Variants in GDE1 observed in about 807,000 individuals in gnomAD.
GDE1 encodes RGS16-interacting membrane protein.
GDE1 carries 24 observed loss-of-function variants against 32.2 expected under a neutral mutation model. The ratio of observed to expected loss-of-function variants is 0.75; its 90% CI spans 0.54 to 1.05. The LOEUF (loss-of-function observed/expected upper bound fraction) is 1.05, where lower values mean the gene tolerates loss of function less well. GDE1 is among the 50% of genes least tolerant of loss of function. GDE1 has a pLI of 0.00. For missense variants in GDE1, 380 were observed against 415.0 expected (o/e 0.92, Z 0.73); for synonymous variants, 159 against 158.6 (o/e 1.00, Z -0.02).
chr16:19,504,733 T>C (rs1969222929), intron 5 of GDE1, 148 bp downstream of exon 5: 1 of 608,250 alleles, frequency 1.6e-6, no homozygotes, highest in Admixed American at 3.2e-5. Context: ...TCTTCCCACC[T>C]AAGAAGCGAA....
intron 2 of GDE1, among the ~76,000 whole-genome samples, chr16:19,512,852 G>GA (rs1470517108): frequency 1.3e-5 from 2 of 151,438 alleles, no homozygotes; most frequent in Admixed American, 1.3e-4. Context: ...TGCCTTCATG[G>GA]AAAATCAGTT....
Position 19,521,867 on chromosome 16 carries a change from A to G in GDE1, c.98T>C (p.Leu33Pro), listed in dbSNP as rs745980551. The change falls in exon 1 of 6, where the codon CTC becomes CCC. Residue 33 changes from leucine (L) to proline (P), a missense_variant. Leu to Pro is a moderately conservative substitution (Grantham distance 98). Transcript: ENST00000353258. ...TAGAACGAAGAGGCTGCCGGTGAGG[A>G]GGCAGGCATTGACCGGGCTCCGCGT... ...LVTRSPVNAC[L>P]LTGSLFVLLR... The G allele has an allele frequency of 6.2e-7, 1 of 1,606,774 alleles. No homozygotes were observed. Among genetic ancestry groups the G allele is most frequent in the East Asian group, 2.2e-5 (1 of 44,552 alleles).
At chr16:19,512,292 T>A (rs6497383) in intron 2 of GDE1, among the ~76,000 whole-genome samples, 1 of 151,896 alleles carries the variant, frequency 6.6e-6, no homozygotes, top group Admixed American at 6.6e-5. Flanking sequence ...TACTTCATTG[T>A]GGTTTTGATT....
rs1023458711 is a variant in GDE1 at position 19,504,885 on chromosome 16, A to G, written c.844T>C (p.Ser282Pro). Reference protein sequence around the residue: ...SAFLMQKDFVSPAYLKKWSAK... With the variant: ...SAFLMQKDFVPPAYLKKWSAK... ...ATAAAAAACCTTCCAACTTACGGGGATACAAAATCCTTTTGCATGAGGAAA... is the reference window on the plus strand; with the variant it reads ...ATAAAAAACCTTCCAACTTACGGGGGTACAAAATCCTTTTGCATGAGGAAA... Residue 282 changes from serine (S) to proline (P), a missense_variant, in exon 5 of 6, where the codon TCC becomes CCC. Transcript: ENST00000353258. 6.2e-7 allele frequency: 1 copy of G among 1,602,868 alleles called. No individual in the cohort carries two copies. The highest frequency in any genetic ancestry group is 8.5e-7 in the Non-Finnish European group (1 of 1,170,980).
chr16:19,510,365 A>G (rs1229753064), intron 3 of GDE1, among the ~76,000 whole-genome samples: 1 of 152,224 alleles, frequency 6.6e-6, no homozygotes, highest in African/African-American at 2.4e-5. Context: ...TGTAAAAGGT[A>G]TATGTTCTGT....
intron 4 of GDE1, 131 bp downstream of exon 4, chr16:19,507,556 A>G: frequency 1.6e-6 from 1 of 622,832 alleles, no homozygotes; most frequent in Non-Finnish European, 2.9e-6. Context: ...TGGTTAATTT[A>G]AAAGAGGAGC....
chr16:19,512,925 TTTTGTG>T (rs772052914), intron 2 of GDE1, among the ~76,000 whole-genome samples: 3 of 78,394 alleles, frequency 3.8e-5, no homozygotes, highest in Non-Finnish European at 7.8e-5. Context: ...TATGTATCTG[TTTTGTG>T]TGTGTGTGTG....
At chr16:19,507,922 A>G (rs1411282175) in intron 3 of GDE1, 143 bp from the exon 4 acceptor site, 1 of 572,536 alleles carries the variant, frequency 1.7e-6, no homozygotes. Context: ...GTATTGGTAG[A>G]GTCTATTATC....
At chr16:19,511,060 CT>C in intron 2 of GDE1, 116 bp from the exon 3 acceptor site, 2 of 547,574 alleles carry the variant, frequency 3.7e-6, no homozygotes, top group Non-Finnish European at 6.5e-6. Flanking sequence ...CTCCAACTTC[CT>C]TTTTTCGACC....
intron 4 of GDE1, among the ~76,000 whole-genome samples, chr16:19,505,702 G>C (rs1969238139): frequency 1.3e-5 from 2 of 152,310 alleles, no homozygotes; most frequent in Middle Eastern, 3.4e-3. Flanking sequence ...GGTCAAGGAA[G>C]TTTGGGAAAC....
intron 4 of GDE1, among the ~76,000 whole-genome samples, chr16:19,507,370 T>C (rs1969261600): frequency 6.6e-6 from 1 of 152,182 alleles, no homozygotes; most frequent in Non-Finnish European, 1.5e-5. Context: ...ATTTATTTTA[T>C]GAAGGTATGT....
At chr16:19,507,018 G>A (rs1969256310) in intron 4 of GDE1, among the ~76,000 whole-genome samples, 1 of 150,572 alleles carries the variant, frequency 6.6e-6, no homozygotes. Context: ...GTGCGCCTGT[G>A]GTCCCAGCTA....
intron 1 of GDE1, among the ~76,000 whole-genome samples, chr16:19,518,714 T>C (rs1168825388): frequency 1.3e-5 from 2 of 152,236 alleles, no homozygotes; most frequent in Non-Finnish European, 2.9e-5. Flanking sequence ...AGTGAATAGT[T>C]AAGATTTCAA....
chr16:19,511,723 A>T (rs1237498752), intron 2 of GDE1, among the ~76,000 whole-genome samples: 2 of 151,514 alleles, frequency 1.3e-5, no homozygotes, highest in East Asian at 3.9e-4. Context: ...CCAACCCCAA[A>T]CCCTTCCCAG....
chr16:19,519,460 AT>A (rs1969421953), intron 1 of GDE1, among the ~76,000 whole-genome samples: 1 of 151,050 alleles, frequency 6.6e-6, no homozygotes, highest in African/African-American at 2.4e-5. Context: ...ATATATATAT[AT>A]ATATATATAT....
chr16:19,510,950 A>T lies in GDE1; in HGVS notation c.438-6T>A. The T allele has an allele frequency of 7.0e-7, 1 of 1,421,700 alleles. No homozygotes were observed. Among genetic ancestry groups the T allele is most frequent in the Non-Finnish European group, 9.9e-7 (1 of 1,011,550 alleles). The allele number at this position is 1,421,700 out of a possible 1,614,324, so 88.1% of individuals were successfully genotyped here. ...TTTCATCAGGGAAATCATTCCTGTA[A>T]GAGAAGAGAAAATACGTTGTAGGAA... On this transcript the variant is annotated splice_region_variant and splice_polypyrimidine_tract_variant and intron_variant, in intron 2 of 5. Coordinates refer to ENST00000353258, the MANE Select transcript of GDE1 (RefSeq NM_016641.4).
chr16:19,522,011 T>A lies in GDE1; in HGVS notation c.-47A>T. ...GACGGGAGTCCCGGACCCGCCGGGC[T>A]CCTGGGGCAGTAGAACGAGAAGCGA... On this transcript the variant is annotated 5_prime_UTR_variant, in exon 1 of 6. Coordinates refer to ENST00000353258, the MANE Select transcript of GDE1 (RefSeq NM_016641.4). 1 of 1,501,952 alleles carries A rather than the reference T, an allele frequency of 6.7e-7. No homozygotes were observed. The highest frequency in any genetic ancestry group is 8.9e-7 in the Non-Finnish European group (1 of 1,122,638). The allele number at this position is 1,501,952 out of a possible 1,614,324, so 93.0% of individuals were successfully genotyped here.
In GDE1 at chr16:19,522,068, G is replaced by C; in HGVS notation, c.-104C>G. 8.0e-7 allele frequency: 1 copy of C among 1,252,016 alleles called. No homozygotes were observed. 77.6% of individuals were successfully genotyped at this position (1,252,016 alleles called of 1,614,324 possible). A position where few individuals can be genotyped will look rare whatever the true frequency, so the allele number is the denominator to read the frequency against. ...GGGTCCAAGGCACCGGCAGCAGCAG[G>C]AACCCTCTGAGGGGACCAGCGCCGC... On this transcript the variant is annotated 5_prime_UTR_variant, in exon 1 of 6. Transcript: ENST00000353258.
rs1434597614 is a variant in GDE1, at chr16:19,505,096, C to T, written c.637-4G>A. On this transcript the variant is annotated splice_region_variant and splice_polypyrimidine_tract_variant and intron_variant, in intron 4 of 5. Transcript: ENST00000353258. ...CATCCCGATCTGTTTGTCTCATCTG[C>T]AAAGGAATTTGGGGAAGTAAAATAA... The T allele has an allele frequency of 6.3e-7, 1 of 1,589,224 alleles. No homozygotes were observed. Among genetic ancestry groups the T allele is most frequent in the Non-Finnish European group, 8.6e-7 (1 of 1,157,454 alleles).
Sources: gnomAD v4.1 joint callset for allele counts (sites outside exome capture counted in the v4.1 genomes callset) on GRCh38, gnomAD v4.1.1 for gene constraint, MANE v1.5 for transcripts, NCBI Gene and HGNC (gene_info 2026-07-23, HGNC 2026-07-21) for gene names.